Variants in RNF157 observed in about 807,000 individuals in gnomAD.
The protein encoded by RNF157 is ring finger protein 157.
RNF157 carries 55 observed loss-of-function variants against 88.3 expected under a neutral mutation model. That is an observed-to-expected ratio of 0.62 (90% CI 0.50 to 0.78). The LOEUF is 0.78. Among genes scored for constraint, RNF157 ranks in the 30% least tolerant of loss-of-function variants. The pLI is 0.00. For synonymous variants in RNF157, 334 were observed against 341.2 expected (o/e 0.98, Z 0.23); for missense variants, 788 against 860.8 (o/e 0.92, Z 1.06).
chr17:76,182,756 G>T (rs1252170840), intron 2 of RNF157, among the ~76,000 whole-genome samples: 1 of 73,558 alleles, frequency 1.4e-5, no homozygotes, highest in Non-Finnish European at 2.3e-5. Context: ...TTCAGGCCTC[G>T]TCTCATATAT....
At position 76,240,450 on chromosome 17, in the gene RNF157, C is replaced by A. The variant is rs1197549072; in HGVS notation, c.-210G>T. On this transcript the variant is annotated 5_prime_UTR_variant, in exon 1 of 19. Coordinates refer to ENST00000269391, the MANE Select transcript of RNF157 (RefSeq NM_052916.3). This position sits in a 1 kb window ranked among gnomAD's most constrained non-coding sequence, Gnocchi z 4.4. ...CGCGGCGGCGCCTCTGCCAAGGGGG[C>A]TGCGGGTCTGGGCCGGGGGCGCCGC... 3.4e-5 allele frequency: 5 copies of A among 147,078 alleles called. No individual in the cohort carries two copies. The highest frequency in any genetic ancestry group is 3.4e-4 in the Admixed American group (5 of 14,724). 9.1% of individuals were successfully genotyped at this position (147,078 alleles called of 1,614,324 possible).
At chr17:76,173,424 C>T (rs1242226728) in intron 3 of RNF157, among the ~76,000 whole-genome samples, 2 of 152,282 alleles carry the variant, frequency 1.3e-5, no homozygotes, top group Admixed American at 1.3e-4. Context: ...TTCTTCTTCC[C>T]TTTTAAAAAA....
At chr17:76,149,571 C>A (rs1740357972) in intron 18 of RNF157, among the ~76,000 whole-genome samples, 1 of 152,156 alleles carries the variant, frequency 6.6e-6, no homozygotes, top group Admixed American at 6.5e-5. Flanking sequence ...TGTAACCTAG[C>A]AGACACTTCC....
chr17:76,187,436 A>G (rs8074651), intron 2 of RNF157, among the ~76,000 whole-genome samples: 55,314 of 151,766 alleles, frequency 0.36, 11,880 homozygotes, highest in African/African-American at 0.61. Context: ...CACCCACCTC[A>G]GCCACCCAAA....
intron 3 of RNF157, among the ~76,000 whole-genome samples, chr17:76,169,926 C>T (rs1276903638): frequency 6.6e-6 from 1 of 152,118 alleles, no homozygotes; most frequent in Non-Finnish European, 1.5e-5. Context: ...TACTGTCTTT[C>T]CTATTATAGG....
chr17:76,158,012 A>C (rs899071429), intron 13 of RNF157, among the ~76,000 whole-genome samples: 2 of 151,986 alleles, frequency 1.3e-5, no homozygotes. Flanking sequence ...TAAGAATGGC[A>C]GCCCCCACTT....
At chr17:76,156,930 T>C (rs895387345) in intron 13 of RNF157, among the ~76,000 whole-genome samples, 5 of 152,060 alleles carry the variant, frequency 3.3e-5, no homozygotes, top group African/African-American at 9.7e-5. Flanking sequence ...GGCGCTCCTC[T>C]TTTGTCTTAG....
At chr17:76,151,739 T>G (rs1186706041) in intron 18 of RNF157, among the ~76,000 whole-genome samples, 1 of 152,204 alleles carries the variant, frequency 6.6e-6, no homozygotes, top group Non-Finnish European at 1.5e-5. Flanking sequence ...AGGGGCACTC[T>G]GACAACCTGA....
intron 1 of RNF157, among the ~76,000 whole-genome samples, chr17:76,215,572 T>C (rs1014991091): frequency 1.1e-4 from 16 of 148,614 alleles, no homozygotes; most frequent in African/African-American, 3.9e-4. Context: ...TTCAGTACTT[T>C]GAGCCTGTGG....
intron 7 of RNF157, 104 bp from the exon 8 acceptor site, chr17:76,164,899 G>A: frequency 1.4e-6 from 1 of 714,492 alleles, no homozygotes; most frequent in Non-Finnish European, 2.4e-6. Flanking sequence ...CTGATCTGCA[G>A]TTTCATTTTC....
At chr17:76,202,132 A>ACACG (rs2069593665) in intron 2 of RNF157, among the ~76,000 whole-genome samples, 1 of 103,698 alleles carries the variant, frequency 9.6e-6, no homozygotes, top group African/African-American at 4.8e-5. Context: ...TCTCTCTCAC[A>ACACG]CACACACACA....
intron 1 of RNF157, among the ~76,000 whole-genome samples, chr17:76,239,721 G>A (rs1366390033): frequency 6.6e-6 from 1 of 152,194 alleles, no homozygotes; most frequent in Non-Finnish European, 1.5e-5. Flanking sequence ...CTGTTTGGAT[G>A]CCGAGGTCGC....
rs1481605412 is a variant in RNF157 at position 76,223,472 on chromosome 17, G to C, written c.89-10990C>G. ...CAAAGTGCTGGGATTACAGGCATGG[G>C]CCACCATGCTCGGCCAAGGTTCTTT... On this transcript the variant is annotated intron_variant, in intron 1 of 18. Coordinates refer to ENST00000269391, the MANE Select transcript of RNF157 (RefSeq NM_052916.3). 2.0e-5 allele frequency among the ~76,000 whole-genome samples: 3 copies of C among 152,314 alleles called. No homozygotes were observed. The South Asian group carries it at 6.2e-4, about 32-fold the overall frequency.
In RNF157 at chr17:76,161,959, A is replaced by G; in HGVS notation, c.836T>C (p.Val279Ala). The change falls in exon 10 of 19, where the codon GTG (valine) becomes GCG (alanine). Residue 279 changes from valine (V) to alanine (A), a missense_variant. Coordinates refer to ENST00000269391, the MANE Select transcript of RNF157 (RefSeq NM_052916.3). This position sits in a 1 kb window ranked among gnomAD's most constrained non-coding sequence, Gnocchi z 4.6. ...EVSDNSAECV[V>A]CLSDVRDTLI... ...GGTGTCCCGGACATCCGAGAGACAC[A>G]CCACACACTCGGCACTGTTATCACT... 1.2e-6 allele frequency: 2 copies of G among 1,614,206 alleles called. No individual in the cohort carries two copies. The highest frequency in any genetic ancestry group is 1.7e-6 in the Non-Finnish European group (2 of 1,180,030).
chr17:76,224,919 C>G (rs1206032698), intron 1 of RNF157, among the ~76,000 whole-genome samples: 1 of 152,138 alleles, frequency 6.6e-6, no homozygotes, highest in African/African-American at 2.4e-5. Flanking sequence ...TGCCTGTAAT[C>G]CCAGCACTTT....
chr17:76,214,985 T>C (rs1043026872), intron 1 of RNF157, among the ~76,000 whole-genome samples: 3 of 152,362 alleles, frequency 2.0e-5, no homozygotes, highest in Non-Finnish European at 4.4e-5. Context: ...GAAGGTAAGC[T>C]GTCCAAAGTA....
rs945776670 is a variant in RNF157 at position 76,176,794 on chromosome 17, G to A, written c.208-3004C>T. ...GTCCCGCTTGCTCATGGAGCGCCAGGGCCAGGCCTGGGCGCGGAGCTGGGG... is the reference window on the plus strand; with the variant it reads ...GTCCCGCTTGCTCATGGAGCGCCAGAGCCAGGCCTGGGCGCGGAGCTGGGG... On this transcript the variant is annotated intron_variant, in intron 2 of 18. Coordinates refer to ENST00000269391, the MANE Select transcript of RNF157 (RefSeq NM_052916.3). This position sits in a 1 kb window ranked among gnomAD's most constrained non-coding sequence, Gnocchi z 4.2. Among the ~76,000 whole-genome samples the A allele has an allele frequency of 2.0e-5, 3 of 152,030 alleles. No individual in the cohort carries two copies. The highest frequency in any genetic ancestry group is 4.4e-5 in the Non-Finnish European group (3 of 68,008).
chr17:76,208,994 T>A (rs1598431376), intron 2 of RNF157, among the ~76,000 whole-genome samples: 1 of 152,016 alleles, frequency 6.6e-6, no homozygotes, highest in South Asian at 2.1e-4. Context: ...AAAAATTCAT[T>A]TGCTATGTGT....
intron 2 of RNF157, among the ~76,000 whole-genome samples, chr17:76,184,026 C>A (rs1400033602): frequency 6.6e-6 from 1 of 151,880 alleles, no homozygotes; most frequent in Non-Finnish European, 1.5e-5. Flanking sequence ...CCCGTCTCTA[C>A]TAAAAACACA....
Sources: gnomAD v4.1 joint callset for allele counts (sites outside exome capture counted in the v4.1 genomes callset) on GRCh38, gnomAD v4.1.1 for gene constraint, Gnocchi (gnomAD v3.1) non-coding constraint, MANE v1.5 for transcripts, NCBI Gene and HGNC (gene_info 2026-07-23, HGNC 2026-07-21) for gene names.